NCOA5: variants seen among roughly 807,000 people sequenced by gnomAD.
The protein encoded by NCOA5 is NCoA-5.
Under a neutral mutation model 59.0 loss-of-function variants are expected in NCOA5, and 12 were observed. The observed-to-expected ratio is 0.20, with a 90% confidence interval of 0.13 to 0.33. The LOEUF (loss-of-function observed/expected upper bound fraction) is 0.33, where lower values mean the gene tolerates loss of function less well. NCOA5 is among the 10% of genes least tolerant of loss of function. The probability of loss-of-function intolerance (pLI) is 1.00; values close to 1 mark genes in which losing one functional copy is unlikely to be tolerated. For synonymous variants in NCOA5, 270 were observed against 275.5 expected (o/e 0.98, Z 0.20); for missense variants, 655 against 766.6 (o/e 0.85, Z 1.72).
intron 2 of NCOA5, among the ~76,000 whole-genome samples, chr20:46,076,826 CA>C (rs1233686549): frequency 5.9e-5 from 9 of 152,158 alleles, no homozygotes; most frequent in Non-Finnish European, 1.0e-4. Flanking sequence ...TCCACACCAC[CA>C]AATGACCTCA....
intron 6 of NCOA5, 65 bp from the exon 7 acceptor site, chr20:46,063,745 T>C (rs2084793052): frequency 6.8e-7 from 1 of 1,469,916 alleles, no homozygotes; most frequent in South Asian, 1.3e-5. Context: ...CCTGCTGCAC[T>C]CTGTCAAGTC....
intron 1 of NCOA5, among the ~76,000 whole-genome samples, chr20:46,081,006 A>G (rs1202923573): frequency 6.6e-6 from 1 of 152,154 alleles, no homozygotes; most frequent in East Asian, 1.9e-4. Context: ...GTTCAGGTTT[A>G]TGACTTACTG....
In NCOA5 at chr20:46,063,385, C is replaced by G. The variant is rs1756652431; in HGVS notation, c.1125G>C (p.Met375Ile). ...NYLRERKERL[M>I]RSSTDSLPGP... ...CAGGCAGAGAGTCGGTGCTGCTCCTCATCAGCCGCTCCTTCCGCTCTCGCA... is the reference window on the plus strand; with the variant it reads ...CAGGCAGAGAGTCGGTGCTGCTCCTGATCAGCCGCTCCTTCCGCTCTCGCA... Residue 375 changes from methionine (M) to isoleucine (I), a missense_variant, in exon 7 of 8, where the codon ATG becomes ATC. By Grantham distance (10) the Met-to-Ile change is conservative. Coordinates refer to ENST00000290231, the MANE Select transcript of NCOA5 (RefSeq NM_020967.3). 1 of 1,613,508 alleles carries G rather than the reference C, an allele frequency of 6.2e-7. No homozygotes were observed.
At chr20:46,077,292 C>G (rs2084948008) in intron 2 of NCOA5, among the ~76,000 whole-genome samples, 1 of 152,140 alleles carries the variant, frequency 6.6e-6, no homozygotes, top group Admixed American at 6.6e-5. Context: ...AAGCATAAAA[C>G]TATTTCTAGA....
At chr20:46,085,482 T>C (rs80293691) in intron 1 of NCOA5, among the ~76,000 whole-genome samples, 4,701 of 150,948 alleles carry the variant, frequency 0.031, 164 homozygotes, top group Admixed American at 0.11. Flanking sequence ...CTAGGAAGAA[T>C]GTGTGTATGG....
intron 1 of NCOA5, among the ~76,000 whole-genome samples, chr20:46,084,400 A>AAGGTCCAGTCT (rs1309483943): frequency 6.6e-6 from 1 of 152,180 alleles, no homozygotes; most frequent in Non-Finnish European, 1.5e-5. Flanking sequence ...GAACCTGGAA[A>AAGGTCCAGTCT]AGGTCCAGTC....
chr20:46,070,157 A>C lies in NCOA5; in HGVS notation c.365+53T>G. The C allele has an allele frequency of 2.8e-6, 4 of 1,426,104 alleles. No homozygotes were observed. The South Asian group carries it at 4.8e-5, about 17-fold the overall frequency. 88.3% of individuals were successfully genotyped at this position (1,426,104 alleles called of 1,614,324 possible). A position where few individuals can be genotyped will look rare whatever the true frequency, so the allele number is the denominator to read the frequency against. ...ACAGAGCTTTCAATTAGTTTAGCAG[A>C]ACATACATAAAAAGAACTCAGGAAA... is the stretch of plus-strand genomic sequence containing the variant. On this transcript the variant is annotated intron_variant, in intron 3 of 7. Transcript: ENST00000290231.
intron 2 of NCOA5, 95 bp from the exon 3 acceptor site, chr20:46,070,631 T>A: frequency 8.2e-7 from 1 of 1,215,794 alleles, no homozygotes; most frequent in Non-Finnish European, 1.2e-6. Context: ...CTCCAAGCAT[T>A]CTTCTCTAAA....
At position 46,065,214 on chromosome 20, in the gene NCOA5, G is replaced by A; in HGVS notation, c.644C>T (p.Ser215Phe). The A allele has an allele frequency of 6.2e-7, 1 of 1,614,158 alleles. No homozygotes were observed. The highest frequency in any genetic ancestry group is 8.5e-7 in the Non-Finnish European group (1 of 1,180,028). ...VNKQTKDYAESVGRKVRDLGM... is the reference protein window; with the variant it reads ...VNKQTKDYAEFVGRKVRDLGM... ...CAGGTCTCGCACCTTCCGCCCCACA[G>A]ACTCAGCATAGTCTCTGTAAAAATA... Residue 215 changes from serine (S) to phenylalanine (F), a missense_variant, in exon 6 of 8, where the codon TCT (serine) becomes TTT (phenylalanine). Ser to Phe is a radical substitution (Grantham distance 155). Coordinates refer to ENST00000290231, the MANE Select transcript of NCOA5 (RefSeq NM_020967.3).
rs531203625 is a variant in NCOA5, at chr20:46,074,817, G to A, written c.39-4281C>T. Among the ~76,000 whole-genome samples, 6 of 152,326 alleles carry A rather than the reference G, an allele frequency of 3.9e-5. No homozygotes were observed. The South Asian group carries it at 1.2e-3, about 32-fold the overall frequency. The stretch of plus-strand genomic sequence containing the variant: ...GACTTTGAATTTCTCTTTGGCAAGA[G>A]ACTGAAACTTCACATCCAAGATGGT... On this transcript the variant is annotated intron_variant, in intron 2 of 7. Transcript: ENST00000290231.
chr20:46,086,432 C>T (rs1265216395), intron 1 of NCOA5, among the ~76,000 whole-genome samples: 2 of 151,828 alleles, frequency 1.3e-5, no homozygotes, highest in Non-Finnish European at 2.9e-5. Flanking sequence ...GTAACAAAAC[C>T]ACCATTTAAA....
chr20:46,078,942 C>A (rs987401736), intron 2 of NCOA5, among the ~76,000 whole-genome samples: 1 of 152,122 alleles, frequency 6.6e-6, no homozygotes, highest in African/African-American at 2.4e-5. Context: ...ACAGGCACAG[C>A]GGCAATCTCT....
At chr20:46,085,469 A>C (rs1457409177) in intron 1 of NCOA5, among the ~76,000 whole-genome samples, 1 of 151,742 alleles carries the variant, frequency 6.6e-6, no homozygotes, top group Non-Finnish European at 1.5e-5. Context: ...AGCAGAGAGG[A>C]GACTAGGAAG....
intron 1 of NCOA5, among the ~76,000 whole-genome samples, chr20:46,081,276 T>C (rs939513168): frequency 2.6e-5 from 4 of 152,088 alleles, no homozygotes; most frequent in Admixed American, 2.0e-4. Flanking sequence ...ACAACACATA[T>C]AGTATTACTT....
At chr20:46,067,030 G>C (rs2145526398) in intron 5 of NCOA5, 25 bp downstream of exon 5, 2 of 1,610,310 alleles carry the variant, frequency 1.2e-6, no homozygotes, top group Middle Eastern at 1.7e-4. Flanking sequence ...CTCCTTACTG[G>C]GGAGAAATAT....
rs1488918718 is a variant in NCOA5 at position 46,070,421 on chromosome 20, T to C, written c.154A>G (p.Arg52Gly). Reference protein sequence around the residue: ...GRNGRDARDSRDIRDPRDLRD... With the variant: ...GRNGRDARDSGDIRDPRDLRD... ...AAGTCTCGGGGGTCTCGAATGTCTCTGCTGTCCCGGGCATCCCGGCCATTT... is the reference window on the plus strand; with the variant it reads ...AAGTCTCGGGGGTCTCGAATGTCTCCGCTGTCCCGGGCATCCCGGCCATTT... The change falls in exon 3 of 8, where the codon AGA (arginine) becomes GGA (glycine). Residue 52 changes from arginine to glycine, a missense_variant. Arg to Gly is a moderately radical substitution (Grantham distance 125, BLOSUM62 -2). This residue lies in a region of NCOA5 where 250 missense variants were observed against 260.1 expected (regional missense o/e 0.96). Transcript: ENST00000290231. The C allele has an allele frequency of 6.2e-7, 1 of 1,613,756 alleles. No homozygotes were observed. The highest frequency in any genetic ancestry group is 1.3e-5 in the African/African-American group (1 of 74,804).
At chr20:46,063,824 G>C in intron 6 of NCOA5, 144 bp from the exon 7 acceptor site, 1 of 843,836 alleles carries the variant, frequency 1.2e-6, no homozygotes, top group Non-Finnish European at 1.8e-6. Flanking sequence ...GAGTGGGGTG[G>C]TGTGGGGGGA....
chr20:46,086,603 T>C (rs2085047769), intron 1 of NCOA5, among the ~76,000 whole-genome samples: 1 of 152,242 alleles, frequency 6.6e-6, no homozygotes, highest in South Asian at 2.1e-4. Flanking sequence ...ATTGCTCTTT[T>C]AACTTTTTGA....
At chr20:46,063,225 C>T (rs1032185434) in intron 7 of NCOA5, 135 bp downstream of exon 7, 24 of 827,540 alleles carry the variant, frequency 2.9e-5, no homozygotes, top group East Asian at 2.1e-4. Flanking sequence ...GGGTGGCCCA[C>T]GGGAGAACCC....
Sources: gnomAD v4.1 joint callset for allele counts (sites outside exome capture counted in the v4.1 genomes callset) on GRCh38, gnomAD v4.1.1 for gene constraint, gnomAD v4.1.1 regional missense constraint, MANE v1.5 for transcripts, NCBI Gene and HGNC (gene_info 2026-07-23, HGNC 2026-07-21) for gene names.